Variants in IQGAP2 observed in about 807,000 individuals in gnomAD.
The protein encoded by IQGAP2 is ras GTPase-activating-like protein IQGAP2.
Under a neutral mutation model 201.3 loss-of-function variants are expected in IQGAP2, and 173 were observed. The observed-to-expected ratio is 0.86, with a 90% CI of 0.76 to 0.98. The LOEUF is 0.98. Ranked by LOEUF, IQGAP2 falls within the 50% of genes least tolerant of loss-of-function variation. The pLI is 0.00. For missense variants in IQGAP2, 1,687 were observed against 1,864.8 expected, an observed-to-expected ratio of 0.90 and a Z score of 1.76; for synonymous variants, 675 against 673.9, an observed-to-expected ratio of 1.00 and a Z score of -0.03.
chr5:76,590,258 T>C (rs566825127), intron 7 of IQGAP2, 150 bp from the exon 8 acceptor site: 3 of 623,250 alleles, frequency 4.8e-6, no homozygotes, highest in East Asian at 2.6e-5. Flanking sequence ...TGTCAGGTGC[T>C]CCATAATATG....
At chr5:76,572,282 C>T (rs185953231) in intron 4 of IQGAP2, among the ~76,000 whole-genome samples, 29 of 149,430 alleles carry the variant, frequency 1.9e-4, no homozygotes, top group Non-Finnish European at 2.8e-4. Context: ...GGCACAATCT[C>T]GGCTCACTGC....
chr5:76,461,583 T>C lies in IQGAP2; in HGVS notation c.60T>C (p.Asp20=), dbSNP rs758140096. 1.7e-5 allele frequency: 28 copies of C among 1,613,228 alleles called. No individual in the cohort carries two copies. The East Asian group carries it at 4.5e-4, about 26-fold the overall frequency. ...CTCTATTTCTAGCTATTGTGGACGA[T>C]GAAAGGCTCTCTGCAGAGGAGATGG... ...QRPRYGSIVD[D]ERLSAEEMDE... is the part of the protein sequence containing the mutation. Residue 20 remains aspartate, a synonymous_variant, in exon 2 of 36, where the codon GAT becomes GAC. Coordinates refer to ENST00000274364, the MANE Select transcript of IQGAP2 (RefSeq NM_006633.5).
intron 2 of IQGAP2, among the ~76,000 whole-genome samples, chr5:76,515,872 CTT>C (rs71604295): frequency 6.2e-4 from 64 of 102,720 alleles, no homozygotes; most frequent in African/African-American, 2.3e-3. Context: ...AGGGGGTGAT[CTT>C]TTTTTTTTTT....
chr5:76,618,519 G>T lies in IQGAP2; in HGVS notation c.1521+7336G>T, dbSNP rs372087578. ...AGGGCACTTAATTTTTACAGTAATCGTGGCTCCTGTCCAGCCTTCCAAGGC... is the reference window on the plus strand; with the variant it reads ...AGGGCACTTAATTTTTACAGTAATCTTGGCTCCTGTCCAGCCTTCCAAGGC... On this transcript the variant is annotated intron_variant, in intron 13 of 35. Coordinates refer to ENST00000274364, the MANE Select transcript of IQGAP2 (RefSeq NM_006633.5). 7 of 1,614,118 alleles carry T rather than the reference G, an allele frequency of 4.3e-6. No individual in the cohort carries two copies. In the East Asian group the frequency reaches 1.1e-4, roughly 26 times the overall value.
chr5:76,436,057 T>C (rs1752629307), intron 1 of IQGAP2, among the ~76,000 whole-genome samples: 1 of 152,184 alleles, frequency 6.6e-6, no homozygotes, highest in African/African-American at 2.4e-5. Context: ...TTGATTTGTG[T>C]ACATTGATTT....
At chr5:76,412,105 C>A (rs1053296408) in intron 1 of IQGAP2, among the ~76,000 whole-genome samples, 4 of 152,106 alleles carry the variant, frequency 2.6e-5, no homozygotes, top group Admixed American at 2.0e-4. Flanking sequence ...AATATGTTAG[C>A]AGAGATATTA....
chr5:76,429,894 C>CACACACACACACA (rs1401698379), intron 1 of IQGAP2, among the ~76,000 whole-genome samples: 1 of 150,230 alleles, frequency 6.7e-6, no homozygotes, highest in African/African-American at 2.5e-5. Context: ...CACACACACA[C>CACACACACACACA]GACTATTTCA....
chr5:76,594,727 G>T (rs1177254384), intron 9 of IQGAP2, among the ~76,000 whole-genome samples: 3 of 152,160 alleles, frequency 2.0e-5, no homozygotes, highest in African/African-American at 7.2e-5. Flanking sequence ...AGCACTTTGG[G>T]AGGCTGAAAT....
At chr5:76,677,379 A>G in intron 28 of IQGAP2, 29 bp downstream of exon 28, 1 of 1,608,446 alleles carries the variant, frequency 6.2e-7, no homozygotes, top group African/African-American at 1.3e-5. Flanking sequence ...CCATCTTAGC[A>G]ATGGACCCAT....
chr5:76,487,102 CTT>C (rs11322216), intron 2 of IQGAP2, among the ~76,000 whole-genome samples: 1,457 of 141,376 alleles, frequency 0.01, 20 homozygotes, highest in African/African-American at 0.032. Flanking sequence ...TTCTTTCTTT[CTT>C]TTTTTTTTTT....
At chr5:76,490,291 G>T (rs958364301) in intron 2 of IQGAP2, among the ~76,000 whole-genome samples, 1 of 152,124 alleles carries the variant, frequency 6.6e-6, no homozygotes, top group Non-Finnish European at 1.5e-5. Flanking sequence ...CTAACAATAT[G>T]CAGTATTCTC....
intron 28 of IQGAP2, among the ~76,000 whole-genome samples, chr5:76,678,292 A>G (rs1425266717): frequency 6.6e-6 from 1 of 152,148 alleles, no homozygotes; most frequent in Non-Finnish European, 1.5e-5. Flanking sequence ...TGACATCTAC[A>G]TCTGGTTTGC....
At chr5:76,703,678 G>C (rs1747628501) in intron 35 of IQGAP2, among the ~76,000 whole-genome samples, 1 of 145,646 alleles carries the variant, frequency 6.9e-6, no homozygotes, top group Admixed American at 6.9e-5. Context: ...AGAGAGCACT[G>C]CAAACAAATG....
chr5:76,671,239 C>T (rs1376440978), intron 23 of IQGAP2, among the ~76,000 whole-genome samples: 1 of 151,896 alleles, frequency 6.6e-6, no homozygotes, highest in African/African-American at 2.4e-5. Flanking sequence ...CCAACCTGGG[C>T]AGTAGAGTGA....
At chr5:76,605,822 A>G (rs1482781656) in intron 11 of IQGAP2, among the ~76,000 whole-genome samples, 2 of 152,238 alleles carry the variant, frequency 1.3e-5, no homozygotes, top group Non-Finnish European at 2.9e-5. Flanking sequence ...TTGCCCTGTA[A>G]CAATCATCTG....
intron 2 of IQGAP2, among the ~76,000 whole-genome samples, chr5:76,501,457 T>C (rs1264021992): frequency 6.6e-6 from 1 of 151,924 alleles, no homozygotes; most frequent in Non-Finnish European, 1.5e-5. Flanking sequence ...AAAATAACTT[T>C]TTGAGAATCG....
chr5:76,445,315 TGAA>T (rs1013001392), intron 1 of IQGAP2, among the ~76,000 whole-genome samples: 7 of 152,076 alleles, frequency 4.6e-5, no homozygotes, highest in Admixed American at 6.6e-5. Flanking sequence ...AGGATAATAG[TGAA>T]GATGACAACA....
intron 15 of IQGAP2, among the ~76,000 whole-genome samples, chr5:76,634,799 G>GCTT (rs541462039): frequency 3.0e-3 from 460 of 152,242 alleles, no homozygotes; most frequent in Non-Finnish European, 4.5e-3. Flanking sequence ...TCAGTTTAAC[G>GCTT]CTTCTATATG....
chr5:76,672,772 GCA>G (rs1467581939), intron 24 of IQGAP2, among the ~76,000 whole-genome samples: 1 of 152,136 alleles, frequency 6.6e-6, no homozygotes, highest in Non-Finnish European at 1.5e-5. Context: ...AGACATACAT[GCA>G]CAGAGGAGAT....
Sources: gnomAD v4.1 joint callset for allele counts (sites outside exome capture counted in the v4.1 genomes callset) on GRCh38, gnomAD v4.1.1 for gene constraint, MANE v1.5 for transcripts, NCBI Gene and HGNC (gene_info 2026-07-23, HGNC 2026-07-21) for gene names.